The following RBM26 variants were observed in gnomAD, a reference collection of about 807,000 sequenced individuals.
The protein encoded by RBM26 is RNA binding motif protein 26.
In RBM26, 30 loss-of-function variants were observed where a neutral mutation model predicts 123.6. That is an observed-to-expected ratio of 0.24 (90% CI 0.18 to 0.33). RBM26 has a LOEUF of 0.33. Ranked by LOEUF, RBM26 falls within the 10% of genes least tolerant of loss-of-function variation. RBM26 has a pLI of 1.00. For missense variants in RBM26, 947 were observed against 1,203.6 expected (o/e 0.79, Z 3.15); for synonymous variants, 400 against 404.4 (o/e 0.99, Z 0.13).
chr13:79,398,975 A>T (rs922391303), intron 1 of RBM26, among the ~76,000 whole-genome samples: 2 of 152,240 alleles, frequency 1.3e-5, no homozygotes, highest in African/African-American at 4.8e-5. Context: ...ATGAACAGGA[A>T]CATAGTTAAA....
downstream of RBM26, chr13:79,315,111 A>C (rs1566263692): frequency 2.0e-6 from 1 of 499,010 alleles, no homozygotes; most frequent in Non-Finnish European, 3.4e-6. Flanking sequence ...CTATTTGAGA[A>C]AGAAATCAAA....
At chr13:79,395,497 T>C (rs533487402) in intron 1 of RBM26, among the ~76,000 whole-genome samples, 2 of 152,208 alleles carry the variant, frequency 1.3e-5, no homozygotes, top group South Asian at 2.1e-4. Flanking sequence ...CCCAGCACTT[T>C]GGGAAGCTGA....
intron 1 of RBM26, among the ~76,000 whole-genome samples, chr13:79,392,852 A>G (rs931210800): frequency 9.2e-5 from 14 of 151,864 alleles, no homozygotes; most frequent in African/African-American, 3.1e-4. Flanking sequence ...CAAACTCTTC[A>G]GAAGAGCAAA....
At chr13:79,335,015 T>C (rs2070092072) in intron 19 of RBM26, among the ~76,000 whole-genome samples, 1 of 152,142 alleles carries the variant, frequency 6.6e-6, no homozygotes, top group African/African-American at 2.4e-5. Flanking sequence ...AAACACATTA[T>C]ATTATTCCTG....
chr13:79,371,932 T>C lies in RBM26; in HGVS notation c.328-2A>G. ...CTCTCGCTCTTCCTCCTTAGTGATCTGATTAAAAAAAAAAAAAAAAGTGTA... is the reference window on the plus strand; with the variant it reads ...CTCTCGCTCTTCCTCCTTAGTGATCCGATTAAAAAAAAAAAAAAAAGTGTA... On this transcript the variant is annotated splice_acceptor_variant, in intron 3 of 21. Coordinates refer to ENST00000438737, the MANE Select transcript of RBM26 (RefSeq NM_001366735.2). LOFTEE classifies it high-confidence loss of function. 2 of 1,540,246 alleles carry C rather than the reference T, an allele frequency of 1.3e-6. No individual in the cohort carries two copies. Among genetic ancestry groups the C allele is most frequent in the Non-Finnish European group, 1.8e-6 (2 of 1,134,244 alleles).
At chr13:79,317,405 T>C (rs965998744), downstream of RBM26, among the ~76,000 whole-genome samples, 3 of 151,832 alleles carry the variant, frequency 2.0e-5, no homozygotes, top group African/African-American at 2.4e-5. Flanking sequence ...TTAGAGATCA[T>C]CTAGTCCAAC....
chr13:79,333,903 C>CA (rs2069861168), intron 20 of RBM26, among the ~76,000 whole-genome samples: 1 of 152,106 alleles, frequency 6.6e-6, no homozygotes, highest in Non-Finnish European at 1.5e-5. Flanking sequence ...TTTTAGAGTT[C>CA]AACCTGATGA....
At chr13:79,342,859 A>G (rs3742119) in intron 16 of RBM26, 28 bp from the exon 17 acceptor site, 528,661 of 1,422,864 alleles carry the variant, frequency 0.37, 102,122 homozygotes, top group Non-Finnish European at 0.4. Flanking sequence ...AGAGAAAAAT[A>G]AAGCTAATTA....
chr13:79,386,096 TA>T (rs11318596), intron 1 of RBM26, among the ~76,000 whole-genome samples: 33,248 of 147,236 alleles, frequency 0.23, 6,280 homozygotes, highest in African/African-American at 0.53. Flanking sequence ...TTTTTAAAAT[TA>T]AAAAAAAAAA....
chr13:79,318,680 G>A (rs1000799136), downstream of RBM26: 65 of 527,782 alleles, frequency 1.2e-4, no homozygotes, highest in Non-Finnish European at 1.5e-4. Context: ...GAAATAAACA[G>A]AATATGTATT....
At chr13:79,371,239 A>G in intron 4 of RBM26, 77 bp from the exon 5 acceptor site, 5 of 1,180,840 alleles carry the variant, frequency 4.2e-6, no homozygotes, top group African/African-American at 1.5e-5. Context: ...TGCAAAAGTT[A>G]CATTTAATTC....
At position 79,386,106 on chromosome 13, in the gene RBM26, A is replaced by C. The variant is rs943691717; in HGVS notation, c.72-7199T>G. Among the ~76,000 whole-genome samples, 5 of 152,122 alleles carry C rather than the reference A, an allele frequency of 3.3e-5. No individual in the cohort carries two copies. The East Asian group carries it at 7.7e-4, about 23-fold the overall frequency. Reference sequence around the variant, plus strand: ...CCATATTTTTAAAATTAAAAAAAAAAACACAAAAACTATTTTTCCAAAATA... The same window carrying C: ...CCATATTTTTAAAATTAAAAAAAAACACACAAAAACTATTTTTCCAAAATA... On this transcript the variant is annotated intron_variant, in intron 1 of 21. Transcript: ENST00000438737.
At chr13:79,391,463 G>A (rs1458328957) in intron 1 of RBM26, among the ~76,000 whole-genome samples, 2 of 152,118 alleles carry the variant, frequency 1.3e-5, no homozygotes, top group Non-Finnish European at 2.9e-5. Flanking sequence ...TTGTTCTGTA[G>A]CTCAGGCTGG....
In RBM26 at chr13:79,352,221, C is replaced by T. The variant is rs1379827976; in HGVS notation, c.2058+932G>A. On this transcript the variant is annotated intron_variant, in intron 14 of 21. Transcript: ENST00000438737. ...TGAAGACAGCAGGGCAGCTATCTCA[C>T]TGATGCATTATCTCTGAAATTGATT... Among the ~76,000 whole-genome samples the T allele has an allele frequency of 3.3e-5, 5 of 152,108 alleles. No homozygotes were observed. In the South Asian group the frequency reaches 1.0e-3, roughly 31 times the overall value.
chr13:79,314,945 T>TAAGA (rs1200104958), downstream of RBM26: 1 of 1,286,918 alleles, frequency 7.8e-7, no homozygotes, highest in Non-Finnish European at 1.0e-6. Context: ...GAACTGGTCT[T>TAAGA]GCTCTTGCAG....
intron 3 of RBM26, among the ~76,000 whole-genome samples, chr13:79,374,771 T>G (rs1470621554): frequency 6.6e-6 from 1 of 152,030 alleles, no homozygotes; most frequent in Non-Finnish European, 1.5e-5. Context: ...TACATGCCCA[T>G]CTGCAAACTT....
chr13:79,377,227 T>C (rs894684435), intron 3 of RBM26, 152 bp downstream of exon 3: 59 of 590,440 alleles, frequency 1.0e-4, no homozygotes, highest in Non-Finnish European at 5.9e-5. Context: ...AGCACAATTA[T>C]ATGCAGAGTC....
Position 79,368,844 on chromosome 13 carries a change from T to C in RBM26, c.781A>G (p.Thr261Ala). ...TCGGTAGTGTTGTTTCCATGATGAG[T>C]AGGAGCAATTACTGTAATAGTGCTG... ...LSSTITVIAP[T>A]HHGNNTTESW... Residue 261 changes from threonine to alanine, a missense_variant, in exon 6 of 22, where the codon ACT (threonine) becomes GCT (alanine). Physicochemically the swap from Thr to Ala is moderately conservative, Grantham distance 58. Coordinates refer to ENST00000438737, the MANE Select transcript of RBM26 (RefSeq NM_001366735.2). 1.9e-6 allele frequency: 3 copies of C among 1,613,900 alleles called. No individual in the cohort carries two copies. Among genetic ancestry groups the C allele is most frequent in the Non-Finnish European group, 1.7e-6 (2 of 1,179,870 alleles).
At chr13:79,379,955 G>A (rs2140248311) in intron 1 of RBM26, among the ~76,000 whole-genome samples, 1 of 152,250 alleles carries the variant, frequency 6.6e-6, no homozygotes, top group South Asian at 2.1e-4. Flanking sequence ...CAGTTATCAG[G>A]TTGGCAAAAT....
Sources: allele counts gnomAD v4.1 joint callset (sites outside exome capture counted in the v4.1 genomes callset), GRCh38; gene constraint gnomAD v4.1.1; transcripts MANE v1.5; gene names NCBI Gene and HGNC (gene_info 2026-07-23, HGNC 2026-07-21).